TENM2: variants seen among roughly 807,000 people sequenced by gnomAD.
TENM2 encodes teneurin transmembrane protein 2, also known as teneurin-2.
In TENM2, 52 loss-of-function variants were observed where a neutral mutation model predicts 245.2. The ratio of observed to expected loss-of-function variants is 0.21; its 90% confidence interval spans 0.17 to 0.27. The LOEUF is 0.27. Among genes scored for constraint, TENM2 ranks in the 10% least tolerant of loss-of-function variants. The pLI is 1.00. For missense variants in TENM2, 3,046 were observed against 3,666.8 expected (o/e 0.83, Z 4.37); for synonymous variants, 1,363 against 1,438.9 (o/e 0.95, Z 1.19).
chr5:167,829,250 GCTGCATATCACACCTACAGT>G (rs1768254111), intron 2 of TENM2, among the ~76,000 whole-genome samples: 1 of 152,244 alleles, frequency 6.6e-6, no homozygotes, highest in African/African-American at 2.4e-5. Context: ...AGGTCCCAGA[GCTGCATATCACACCTACAGT>G]GAGACACCAG....
chr5:167,885,724 G>A (rs1774229204), intron 3 of TENM2, among the ~76,000 whole-genome samples: 2 of 152,094 alleles, frequency 1.3e-5, no homozygotes. Context: ...CGCTCTGTTG[G>A]CCAGGCTAGA....
At chr5:167,109,278 T>C in the TENM2 span, among the ~76,000 whole-genome samples, 869 of 151,832 alleles carry the variant, frequency 5.7e-3, 5 homozygotes, top group South Asian at 0.022. Flanking sequence ...GAACTAATTA[T>C]AACTGAGCAG....
At chr5:167,903,861 TG>T (rs1040826387) in intron 3 of TENM2, among the ~76,000 whole-genome samples, 1 of 152,124 alleles carries the variant, frequency 6.6e-6, no homozygotes, top group African/African-American at 2.4e-5. Context: ...GGCTTGGGTT[TG>T]GGATTTCACT....
chr5:167,234,063 C>G, the TENM2 span, among the ~76,000 whole-genome samples: 3 of 151,936 alleles, frequency 2.0e-5, no homozygotes, highest in East Asian at 5.8e-4. Flanking sequence ...TGATAGAACT[C>G]GGTACAGAGA....
At chr5:167,135,560 AG>A in the TENM2 span, among the ~76,000 whole-genome samples, 3 of 152,132 alleles carry the variant, frequency 2.0e-5, no homozygotes, top group Non-Finnish European at 2.9e-5. Flanking sequence ...GCAGATGACA[AG>A]GTCAGGAGAT....
At chr5:168,245,627 G>GC (rs1165492861) in intron 26 of TENM2, among the ~76,000 whole-genome samples, 2 of 150,708 alleles carry the variant, frequency 1.3e-5, no homozygotes, top group African/African-American at 4.9e-5. Context: ...TTTGAAGGCT[G>GC]CCCTGGCCAT....
the TENM2 span, among the ~76,000 whole-genome samples, chr5:167,071,310 G>C: frequency 6.6e-6 from 1 of 152,112 alleles, no homozygotes; most frequent in South Asian, 2.1e-4. Context: ...CTGCACAAGT[G>C]AGTAAACAGA....
At chr5:168,115,766 C>T (rs914573096) in intron 9 of TENM2, among the ~76,000 whole-genome samples, 1 of 152,170 alleles carries the variant, frequency 6.6e-6, no homozygotes, top group African/African-American at 2.4e-5. Flanking sequence ...TCACTGTTAC[C>T]TAGATCAGAA....
chr5:168,170,931 T>C (rs1222115537), intron 13 of TENM2, among the ~76,000 whole-genome samples: 1 of 152,242 alleles, frequency 6.6e-6, no homozygotes, highest in African/African-American at 2.4e-5. Context: ...GCCCTCTGTA[T>C]ATCCCCTGCC....
intron 2 of TENM2, among the ~76,000 whole-genome samples, chr5:167,702,540 ATGTGTGTG>A (rs1554102837): frequency 1.6e-5 from 2 of 123,282 alleles, no homozygotes; most frequent in Non-Finnish European, 3.4e-5. Flanking sequence ...GTATGTATGT[ATGTGTGTG>A]TGTGTATATA....
chr5:167,363,337 G>C (rs1002622161), intron 1 of TENM2, among the ~76,000 whole-genome samples: 4 of 152,186 alleles, frequency 2.6e-5, no homozygotes, highest in African/African-American at 7.2e-5. Flanking sequence ...CATTGCCTGT[G>C]TAGAATCAAA....
chr5:168,133,290 G>A (rs1281286030), intron 12 of TENM2, among the ~76,000 whole-genome samples: 2 of 152,188 alleles, frequency 1.3e-5, no homozygotes, highest in Non-Finnish European at 2.9e-5. Context: ...GGGGGCAAAA[G>A]TAGGTAGTGA....
At chr5:167,827,060 G>A (rs1234035827) in intron 2 of TENM2, among the ~76,000 whole-genome samples, 1 of 152,232 alleles carries the variant, frequency 6.6e-6, no homozygotes, top group Non-Finnish European at 1.5e-5. Context: ...CAAGACAGAA[G>A]CCAGATGGCC....
At chr5:167,940,469 A>G (rs6886222) in intron 3 of TENM2, among the ~76,000 whole-genome samples, 14,351 of 152,196 alleles carry the variant, frequency 0.094, 1,324 homozygotes, top group African/African-American at 0.24. Flanking sequence ...GAAGGATGAT[A>G]AGATGACTGA....
chr5:167,792,732 G>GAAAA (rs76873091), intron 2 of TENM2, among the ~76,000 whole-genome samples: 2 of 123,748 alleles, frequency 1.6e-5, no homozygotes. Flanking sequence ...TTGAAAAATG[G>GAAAA]AAAAAAAAAA....
intron 9 of TENM2, among the ~76,000 whole-genome samples, chr5:168,117,699 T>C (rs1795181209): frequency 6.6e-6 from 1 of 152,232 alleles, no homozygotes; most frequent in Non-Finnish European, 1.5e-5. Flanking sequence ...TAGATAAAAC[T>C]GAGGCAGTGA....
the TENM2 span, among the ~76,000 whole-genome samples, chr5:167,045,053 G>T: frequency 6.6e-6 from 1 of 152,100 alleles, no homozygotes; most frequent in East Asian, 1.9e-4. Context: ...AGATGAGGGG[G>T]CATAATTAAA....
intron 5 of TENM2, among the ~76,000 whole-genome samples, chr5:168,002,493 G>A (rs371613321): frequency 1.9e-4 from 29 of 152,284 alleles, no homozygotes; most frequent in African/African-American, 5.3e-4. Context: ...TCTTCAGGCC[G>A]TGATAAACAA....
At chr5:168,039,868 G>A (rs1033489208) in intron 5 of TENM2, among the ~76,000 whole-genome samples, 2 of 152,002 alleles carry the variant, frequency 1.3e-5, no homozygotes, top group African/African-American at 4.8e-5. Context: ...CACCTGCAGT[G>A]CACCTGCAGC....
Sources: gnomAD v4.1 joint callset for allele counts (sites outside exome capture counted in the v4.1 genomes callset) on GRCh38, gnomAD v4.1.1 for gene constraint, MANE v1.5 for transcripts, NCBI Gene and HGNC (gene_info 2026-07-23, HGNC 2026-07-21) for gene names.